CLEC4A: variants seen among roughly 807,000 people sequenced by gnomAD.
CLEC4A encodes C-type (calcium dependent, carbohydrate-recognition domain) lectin, superfamily member 6.
In CLEC4A, 27 loss-of-function variants were observed where a neutral mutation model predicts 32.7. That is an observed-to-expected ratio of 0.83 (90% confidence interval 0.61 to 1.14). The LOEUF (loss-of-function observed/expected upper bound fraction) is 1.14, where lower values mean the gene tolerates loss of function less well. Ranked by LOEUF, CLEC4A falls within the 50% of genes most tolerant of loss-of-function variation. CLEC4A has a pLI of 0.00. For synonymous variants in CLEC4A, 89 were observed against 93.7 expected (o/e 0.95, Z 0.29); for missense variants, 253 against 274.6 (o/e 0.92, Z 0.55).
the CLEC4A span, among the ~76,000 whole-genome samples, chr12:8,103,172 C>G: frequency 6.6e-6 from 1 of 152,010 alleles, no homozygotes; most frequent in Non-Finnish European, 1.5e-5. Context: ...AGTTCTAATT[C>G]AGCTTACATG....
chr12:8,135,405 C>T (rs1369310431), intron 3 of CLEC4A, among the ~76,000 whole-genome samples, 180 bp from the exon 4 acceptor site: 7 of 151,972 alleles, frequency 4.6e-5, no homozygotes, highest in Non-Finnish European at 8.8e-5. Flanking sequence ...CTCATTACTG[C>T]CTGATTGAGG....
chr12:8,124,022 T>C, intron 1 of CLEC4A, 62 bp downstream of exon 1: 1 of 1,086,980 alleles, frequency 9.2e-7, no homozygotes, highest in South Asian at 1.2e-5. Flanking sequence ...AGAGGGTTTA[T>C]GAATAAGGCA....
At chr12:8,131,602 TG>T (rs1316856295) in intron 3 of CLEC4A, among the ~76,000 whole-genome samples, 1 of 152,198 alleles carries the variant, frequency 6.6e-6, no homozygotes, top group African/African-American at 2.4e-5. Context: ...GCAATTTAAA[TG>T]TAAATCTCAT....
the CLEC4A span, among the ~76,000 whole-genome samples, chr12:8,103,443 G>GT: frequency 2.1e-5 from 3 of 142,224 alleles, no homozygotes; most frequent in East Asian, 4.2e-4. Context: ...CTGGAGGGCA[G>GT]TGGCATGATC....
chr12:8,126,984 T>C (rs1400411637), intron 2 of CLEC4A, among the ~76,000 whole-genome samples: 1 of 152,232 alleles, frequency 6.6e-6, no homozygotes, highest in East Asian at 1.9e-4. Context: ...TTTTCCCTCC[T>C]AAAGGTTATT....
intron 3 of CLEC4A, chr12:8,134,223 C>T: frequency 6.2e-7 from 1 of 1,611,720 alleles, no homozygotes; most frequent in Non-Finnish European, 8.5e-7. Flanking sequence ...TTGTTGTCAG[C>T]TTCCTCCACC....
At chr12:8,118,863 G>C (rs368308396), upstream of CLEC4A, among the ~76,000 whole-genome samples, 1 of 152,128 alleles carries the variant, frequency 6.6e-6, no homozygotes, top group Non-Finnish European at 1.5e-5. Flanking sequence ...TGGAATTAAG[G>C]CTCCTATAAA....
chr12:8,107,896 T>C, the CLEC4A span, among the ~76,000 whole-genome samples: 1 of 152,062 alleles, frequency 6.6e-6, no homozygotes, highest in Admixed American at 6.6e-5. Context: ...TCAGTTCAGC[T>C]CTGATTTTGG....
At chr12:8,125,413 C>G in intron 1 of CLEC4A, 148 bp from the exon 2 acceptor site, 3 of 553,510 alleles carry the variant, frequency 5.4e-6, no homozygotes, top group Non-Finnish European at 9.7e-6. Context: ...TTATTATATC[C>G]TTTCTATTCC....
At chr12:8,133,276 C>G (rs975675199) in intron 3 of CLEC4A, among the ~76,000 whole-genome samples, 1 of 152,122 alleles carries the variant, frequency 6.6e-6, no homozygotes, top group Non-Finnish European at 1.5e-5. Context: ...GTCTAGAACT[C>G]CCGACCACAG....
At chr12:8,105,997 C>A in the CLEC4A span, among the ~76,000 whole-genome samples, 9 of 152,160 alleles carry the variant, frequency 5.9e-5, no homozygotes, top group East Asian at 1.5e-3. Context: ...CCTAGGTTAT[C>A]TTTCAGGGTT....
the CLEC4A span, among the ~76,000 whole-genome samples, chr12:8,113,264 G>C: frequency 6.6e-6 from 1 of 151,884 alleles, no homozygotes; most frequent in Non-Finnish European, 1.5e-5. Context: ...ATGGTTACCA[G>C]TTTCATCCAT....
At chr12:8,119,471 G>C (rs964554808), upstream of CLEC4A, among the ~76,000 whole-genome samples, 3 of 152,286 alleles carry the variant, frequency 2.0e-5, no homozygotes, top group East Asian at 5.8e-4. Flanking sequence ...TGATCCACCC[G>C]CCTTGGCCTC....
chr12:8,135,788 C>T (rs1477739433), intron 4 of CLEC4A, 52 bp downstream of exon 4: 5 of 1,571,772 alleles, frequency 3.2e-6, no homozygotes, highest in Non-Finnish European at 4.3e-6. Context: ...CTTTGTATAT[C>T]TCTCTTGGCT....
At chr12:8,133,769 C>T in intron 3 of CLEC4A, 2 of 1,585,462 alleles carry the variant, frequency 1.3e-6, no homozygotes, top group Non-Finnish European at 1.7e-6. Context: ...AGGGCAGGCA[C>T]CTCAGTTTGA....
At chr12:8,121,488 A>G (rs978393107), upstream of CLEC4A, 5 of 152,586 alleles carry the variant, frequency 3.3e-5, no homozygotes, top group African/African-American at 1.2e-4. Flanking sequence ...GGAGAGCAGC[A>G]GTGGCCTGGC....
chr12:8,137,422 G>A (rs1046038942), intron 5 of CLEC4A, among the ~76,000 whole-genome samples: 1 of 152,106 alleles, frequency 6.6e-6, no homozygotes, highest in African/African-American at 2.4e-5. Context: ...AGGATGACAA[G>A]TATGTGCCAC....
At chr12:8,110,993 C>G in the CLEC4A span, among the ~76,000 whole-genome samples, 1 of 151,972 alleles carries the variant, frequency 6.6e-6, no homozygotes, top group Non-Finnish European at 1.5e-5. Flanking sequence ...CCTGCCTCAG[C>G]CTCCCGAGTA....
chr12:8,112,054 C>T, the CLEC4A span, among the ~76,000 whole-genome samples: 16 of 151,728 alleles, frequency 1.1e-4, no homozygotes, highest in African/African-American at 2.4e-5. Flanking sequence ...CCTCAGTCTC[C>T]GCCTCCTGGG....
Sources: gnomAD v4.1 joint callset for allele counts (sites outside exome capture counted in the v4.1 genomes callset) on GRCh38, gnomAD v4.1.1 for gene constraint, MANE v1.5 for transcripts, NCBI Gene and HGNC (gene_info 2026-07-23, HGNC 2026-07-21) for gene names.